PAPPA2: variants seen among roughly 807,000 people sequenced by gnomAD.
The protein encoded by PAPPA2 is pappalysin 2, also known as pappalysin-2.
A neutral mutation model predicts 176.4 loss-of-function variants in PAPPA2; 86 were observed. That is an observed-to-expected ratio of 0.49 (90% CI 0.41 to 0.58). The LOEUF (loss-of-function observed/expected upper bound fraction) is 0.58. PAPPA2 is among the 20% of genes least tolerant of loss of function. The pLI, the probability that PAPPA2 is intolerant of heterozygous loss-of-function variation, is 0.00. For missense variants in PAPPA2, 2,073 were observed against 2,256.9 expected, an observed-to-expected ratio of 0.92 and a Z score of 1.65; for synonymous variants, 809 against 852.2, an observed-to-expected ratio of 0.95 and a Z score of 0.88.
chr1:176,576,501 G>C (rs186864691), intron 2 of PAPPA2, among the ~76,000 whole-genome samples: 1 of 151,970 alleles, frequency 6.6e-6, no homozygotes, highest in Admixed American at 6.6e-5. Flanking sequence ...GTGTGTGTTT[G>C]TGTGTGTCTG....
intron 3 of PAPPA2, among the ~76,000 whole-genome samples, chr1:176,596,692 C>T (rs1387805154): frequency 2.0e-5 from 3 of 152,102 alleles, no homozygotes; most frequent in African/African-American, 4.8e-5. Context: ...CACTATATTC[C>T]CAAGGCCTAG....
At chr1:176,840,301 G>T (rs770053624) in intron 22 of PAPPA2, 30 bp downstream of exon 22, 1 of 1,557,954 alleles carries the variant, frequency 6.4e-7, no homozygotes, top group Non-Finnish European at 8.8e-7. Flanking sequence ...GATGGGGGAG[G>T]CAGTGGCTTC....
At chr1:176,700,479 A>G (rs1370781781) in intron 8 of PAPPA2, among the ~76,000 whole-genome samples, 1 of 152,240 alleles carries the variant, frequency 6.6e-6, no homozygotes, top group Non-Finnish European at 1.5e-5. Flanking sequence ...GCTCTCATCT[A>G]GACTTACTTG....
chr1:176,550,727 A>G (rs769638556), intron 1 of PAPPA2, among the ~76,000 whole-genome samples: 14 of 152,348 alleles, frequency 9.2e-5, no homozygotes, highest in African/African-American at 3.1e-4. Flanking sequence ...AAAAATGAAT[A>G]TCTGACATAC....
chr1:176,698,371 ACT>A lies in PAPPA2; in HGVS notation c.2747-722_2747-721del, dbSNP rs747949685. 2.4e-4 allele frequency among the ~76,000 whole-genome samples: 37 copies of A among 152,098 alleles called. No homozygotes were observed. In the Middle Eastern group the frequency reaches 0.01, roughly 42 times the overall value. ...TGACTCTGCTAGTTCTCGATTCAAC[ACT>A]CTCTCTTCAACTCCCATCACACGAC... On this transcript the variant is annotated intron_variant, in intron 7 of 22. Transcript: ENST00000367662.
chr1:176,530,748 T>A (rs1649764176), intron 1 of PAPPA2, among the ~76,000 whole-genome samples: 1 of 152,168 alleles, frequency 6.6e-6, no homozygotes, highest in Admixed American at 6.6e-5. Context: ...ACTTTTCAAT[T>A]GATAAATTAC....
chr1:176,520,983 C>T (rs1177556467), intron 1 of PAPPA2, among the ~76,000 whole-genome samples: 2 of 151,948 alleles, frequency 1.3e-5, no homozygotes, highest in Non-Finnish European at 2.9e-5. Context: ...GAGAAATAGA[C>T]CTAGTGGTTC....
chr1:176,670,876 G>A (rs1658953671), intron 3 of PAPPA2, 94 bp from the exon 4 acceptor site: 20 of 1,492,474 alleles, frequency 1.3e-5, no homozygotes, highest in Middle Eastern at 2.1e-4. Flanking sequence ...AATGCTGGCT[G>A]GGAGTGCCAT....
intron 12 of PAPPA2, 67 bp downstream of exon 12, chr1:176,712,048 TG>T: frequency 6.5e-7 from 1 of 1,533,590 alleles, no homozygotes; most frequent in Non-Finnish European, 8.9e-7. Context: ...TGTGTGTGTG[TG>T]TGTGTGTGTA....
At chr1:176,616,211 A>G (rs1655250443) in intron 3 of PAPPA2, 3 of 421,676 alleles carry the variant, frequency 7.1e-6, no homozygotes, top group South Asian at 2.1e-5. Flanking sequence ...GCTAATGTGT[A>G]TAACAAATTA....
intron 17 of PAPPA2, among the ~76,000 whole-genome samples, chr1:176,786,032 G>C (rs1185220312): frequency 1.3e-5 from 2 of 152,120 alleles, no homozygotes. Context: ...TCCAGCTGGG[G>C]GATATCAGTT....
At chr1:176,590,914 T>C (rs1653617331) in intron 2 of PAPPA2, among the ~76,000 whole-genome samples, 1 of 152,136 alleles carries the variant, frequency 6.6e-6, no homozygotes, top group South Asian at 2.1e-4. Flanking sequence ...TCTCAGAACC[T>C]CAGTGTCTGC....
At chr1:176,734,139 C>G (rs888397257) in intron 12 of PAPPA2, among the ~76,000 whole-genome samples, 4 of 152,104 alleles carry the variant, frequency 2.6e-5, no homozygotes, top group Non-Finnish European at 1.5e-5. Flanking sequence ...TTGACTTTGT[C>G]TCTTTCTGAC....
At chr1:176,595,660 T>A (rs1653939830) in intron 3 of PAPPA2, 65 bp downstream of exon 3, 1 of 1,483,186 alleles carries the variant, frequency 6.7e-7, no homozygotes, top group East Asian at 2.3e-5. Flanking sequence ...TTTATCTGTT[T>A]GGTTTTGGAG....
At chr1:176,654,505 A>G (rs1346832040) in intron 3 of PAPPA2, among the ~76,000 whole-genome samples, 2 of 150,212 alleles carry the variant, frequency 1.3e-5, no homozygotes, top group South Asian at 2.1e-4. Context: ...GTATAATTTT[A>G]AGTCAGGTAA....
intron 14 of PAPPA2, 71 bp downstream of exon 14, chr1:176,740,267 T>C: frequency 1.4e-6 from 2 of 1,417,878 alleles, no homozygotes; most frequent in Non-Finnish European, 1.9e-6. Context: ...ATTTACATAG[T>C]GTTATGTATA....
At chr1:176,663,653 T>G (rs1233582731) in intron 3 of PAPPA2, among the ~76,000 whole-genome samples, 1 of 152,126 alleles carries the variant, frequency 6.6e-6, no homozygotes, top group African/African-American at 2.4e-5. Flanking sequence ...GTGACTTTCA[T>G]TATTCCCATC....
At chr1:176,583,189 T>G (rs1414789037) in intron 2 of PAPPA2, among the ~76,000 whole-genome samples, 1 of 152,138 alleles carries the variant, frequency 6.6e-6, no homozygotes, top group East Asian at 1.9e-4. Flanking sequence ...ACCAAGTTTT[T>G]GTTTCATTGA....
intron 21 of PAPPA2, among the ~76,000 whole-genome samples, chr1:176,816,404 C>T (rs1417682887): frequency 2.7e-5 from 4 of 150,016 alleles, no homozygotes; most frequent in Non-Finnish European, 5.9e-5. Flanking sequence ...CACACACACG[C>T]ATACACACTC....
Sources: gnomAD v4.1 joint callset for allele counts (sites outside exome capture counted in the v4.1 genomes callset) on GRCh38, gnomAD v4.1.1 for gene constraint, MANE v1.5 for transcripts, NCBI Gene and HGNC (gene_info 2026-07-23, HGNC 2026-07-21) for gene names.